Variants in TMX3 observed in about 807,000 individuals in gnomAD.
TMX3 encodes the protein protein disulfide-isomerase TMX3.
Under a neutral mutation model 64.4 loss-of-function variants are expected in TMX3, and 40 were observed. That is an observed-to-expected ratio of 0.62 (90% CI 0.48 to 0.81). TMX3 has a LOEUF of 0.81. Among genes scored for constraint, TMX3 ranks in the 30% least tolerant of loss-of-function variants. TMX3 has a pLI of 0.00. For synonymous variants in TMX3, 189 were observed against 175.7 expected, an observed-to-expected ratio of 1.08 and a Z score of -0.60; for missense variants, 497 against 534.5, an observed-to-expected ratio of 0.93 and a Z score of 0.69.
At chr18:68,682,335 G>A (rs1288711451) in intron 13 of TMX3, among the ~76,000 whole-genome samples, 1 of 152,082 alleles carries the variant, frequency 6.6e-6, no homozygotes, top group Non-Finnish European at 1.5e-5. Flanking sequence ...TCAGTCTTGT[G>A]AAGTGGCAAA....
intron 4 of TMX3, among the ~76,000 whole-genome samples, chr18:68,702,944 C>G (rs1412023627): frequency 2.0e-5 from 3 of 152,162 alleles, no homozygotes; most frequent in African/African-American, 7.2e-5. Context: ...ACGTATCTTC[C>G]TAAGAGGTAG....
chr18:68,710,076 C>A lies in TMX3; in HGVS notation c.210G>T (p.Met70Ile), dbSNP rs760923618. The A allele has an allele frequency of 6.2e-7, 1 of 1,604,792 alleles. No homozygotes were observed. Among genetic ancestry groups the A allele is most frequent in the Non-Finnish European group, 8.5e-7 (1 of 1,175,856 alleles). The change falls in exon 4 of 16, where the codon ATG (methionine) becomes ATT (isoleucine). Residue 70 changes from methionine (M) to isoleucine (I), a missense_variant. Coordinates refer to ENST00000299608, the MANE Select transcript of TMX3 (RefSeq NM_019022.5). Reference protein sequence around the residue: ...EPIWNEVGLEMKSIGSPVKVG... With the variant: ...EPIWNEVGLEIKSIGSPVKVG... ...CCTTAACTGGAGAACCAATGCTTTT[C>A]ATCTCAAGACCAACTTCATTCCAAA...
chr18:68,688,681 AAT>A (rs2145040281), intron 9 of TMX3: 1 of 152,358 alleles, frequency 6.6e-6, no homozygotes, highest in Admixed American at 6.5e-5. Context: ...TATTGATTTA[AAT>A]TTATAAATTA....
In TMX3 at chr18:68,677,230, T is replaced by C. The variant is rs142512813; in HGVS notation, c.1105-37A>G. Reference sequence around the variant, plus strand: ...GAATTAAAACTCAGTTCCCTTCACATGTAATTCTGATATATATAGCATGAA... The same window carrying C: ...GAATTAAAACTCAGTTCCCTTCACACGTAATTCTGATATATATAGCATGAA... On this transcript the variant is annotated intron_variant, in intron 15 of 15. Transcript: ENST00000299608. 1,220 of 1,589,132 alleles carry C rather than the reference T, an allele frequency of 7.7e-4. 8 individuals carry two copies. In the East Asian group the frequency reaches 0.016, roughly 21 times the overall value.
chr18:68,683,067 A>G (rs1165872360), intron 12 of TMX3, 86 bp from the exon 13 acceptor site: 10 of 1,266,808 alleles, frequency 7.9e-6, no homozygotes, highest in Admixed American at 2.0e-5. Context: ...ATAGTAAAAA[A>G]GTAAATAAAA....
intron 4 of TMX3, among the ~76,000 whole-genome samples, chr18:68,704,457 G>A (rs922116013): frequency 6.6e-6 from 1 of 151,940 alleles, no homozygotes; most frequent in Non-Finnish European, 1.5e-5. Context: ...AGGAAGATTC[G>A]GTAACTCTTT....
intron 10 of TMX3, among the ~76,000 whole-genome samples, chr18:68,685,198 T>A (rs1174321479): frequency 2.0e-5 from 3 of 152,192 alleles, no homozygotes; most frequent in Non-Finnish European, 2.9e-5. Flanking sequence ...AAACTTCAAC[T>A]TATTTCCAAA....
At chr18:68,690,283 G>A (rs961836348) in intron 9 of TMX3, among the ~76,000 whole-genome samples, 1 of 152,132 alleles carries the variant, frequency 6.6e-6, no homozygotes, top group Non-Finnish European at 1.5e-5. Context: ...AGCCACAGGA[G>A]CCCACCGAGC....
chr18:68,679,386 T>C (rs1432750858), intron 15 of TMX3, 77 bp downstream of exon 15: 1 of 1,232,722 alleles, frequency 8.1e-7, no homozygotes, highest in African/African-American at 1.5e-5. Context: ...TCTTTTCAAA[T>C]TCAGATTTTT....
At chr18:68,709,367 G>A (rs1294224673) in intron 4 of TMX3, among the ~76,000 whole-genome samples, 8 of 152,100 alleles carry the variant, frequency 5.3e-5, no homozygotes. Flanking sequence ...AATATTTTAG[G>A]CTTTCTGGGG....
At chr18:68,711,714 G>C (rs1337904038) in intron 2 of TMX3, among the ~76,000 whole-genome samples, 1 of 152,172 alleles carries the variant, frequency 6.6e-6, no homozygotes, top group Non-Finnish European at 1.5e-5. Context: ...GTTTAGAAAA[G>C]GTACCAAAGG....
At chr18:68,702,847 A>G (rs183354900) in intron 4 of TMX3, among the ~76,000 whole-genome samples, 1 of 152,334 alleles carries the variant, frequency 6.6e-6, no homozygotes, top group Admixed American at 6.5e-5. Context: ...TTGTGAAAAT[A>G]TCCAAAATTT....
chr18:68,696,978 T>TA (rs1394672423), intron 8 of TMX3: 1 of 306,422 alleles, frequency 3.3e-6, no homozygotes, highest in African/African-American at 2.2e-5. Context: ...ACTTTTATTT[T>TA]AAAAAACAAG....
chr18:68,684,554 G>T, intron 10 of TMX3, 69 bp from the exon 11 acceptor site: 2 of 1,292,254 alleles, frequency 1.5e-6, no homozygotes, highest in Non-Finnish European at 1.1e-6. Flanking sequence ...TATCACTTTA[G>T]TTCTGAGTAG....
chr18:68,679,590 GT>G, intron 14 of TMX3, 59 bp from the exon 15 acceptor site: 1 of 1,467,960 alleles, frequency 6.8e-7, no homozygotes. Flanking sequence ...TTTACTTGGT[GT>G]TACATAACCT....
chr18:68,685,250 A>G (rs1051111249), intron 10 of TMX3, among the ~76,000 whole-genome samples: 1 of 152,236 alleles, frequency 6.6e-6, no homozygotes, highest in Non-Finnish European at 1.5e-5. Flanking sequence ...GAGTTAAGTA[A>G]GATTAGATGC....
chr18:68,688,117 TTACAA>T (rs1914144132), intron 9 of TMX3: 2 of 163,728 alleles, frequency 1.2e-5, no homozygotes, highest in Non-Finnish European at 1.3e-5. Flanking sequence ...ACAATACAGG[TTACAA>T]TACAATACAT....
chr18:68,697,519 A>G (rs2145081925), intron 7 of TMX3: 1 of 388,292 alleles, frequency 2.6e-6, no homozygotes, highest in East Asian at 4.0e-5. Flanking sequence ...CTGCAAATAA[A>G]GTTCATTAAA....
Position 68,674,266 on chromosome 18 carries a change from G to C in TMX3, c.*2667C>G, listed in dbSNP as rs1397378132. Reference sequence around the variant, plus strand: ...AAACAAGTTTCAGGTAATAGTAGCTGAGAAAAATATTGATGCACATAATGA... The same window carrying C: ...AAACAAGTTTCAGGTAATAGTAGCTCAGAAAAATATTGATGCACATAATGA... On this transcript the variant is annotated 3_prime_UTR_variant, in exon 16 of 16. Transcript: ENST00000299608. The C allele has an allele frequency of 6.6e-6, 1 of 152,134 alleles. No homozygotes were observed. The highest frequency in any genetic ancestry group is 1.5e-5 in the Non-Finnish European group (1 of 68,006). 9.4% of individuals were successfully genotyped at this position (152,134 alleles called of 1,614,324 possible).
Sources: gnomAD v4.1 joint callset for allele counts (sites outside exome capture counted in the v4.1 genomes callset) on GRCh38, gnomAD v4.1.1 for gene constraint, MANE v1.5 for transcripts, NCBI Gene and HGNC (gene_info 2026-07-23, HGNC 2026-07-21) for gene names.